The following EIF2S3B variants were observed in gnomAD, a reference collection of about 807,000 sequenced individuals.
EIF2S3B encodes the protein eukaryotic translation initiation factor 2 subunit gamma B, also known as eukaryotic translation initiation factor 2 subunit 3B.
Under a neutral mutation model 26.4 loss-of-function variants are expected in EIF2S3B, and 16 were observed. The ratio of observed to expected loss-of-function variants is 0.61; its 90% confidence interval spans 0.41 to 0.92. The LOEUF (loss-of-function observed/expected upper bound fraction) is 0.92, where lower values mean the gene tolerates loss of function less well. EIF2S3B is among the 40% of genes least tolerant of loss of function. The probability of loss-of-function intolerance (pLI) is 0.00; values close to 1 mark genes in which losing one functional copy is unlikely to be tolerated. For synonymous variants in EIF2S3B, 183 were observed against 204.4 expected, an observed-to-expected ratio of 0.90 and a Z score of 0.89; for missense variants, 510 against 575.5, an observed-to-expected ratio of 0.89 and a Z score of 1.16.
chr12:10,519,717 C>T (rs1864809694), intron 1 of EIF2S3B, among the ~76,000 whole-genome samples: 2 of 152,092 alleles, frequency 1.3e-5, no homozygotes, highest in African/African-American at 4.8e-5. Context: ...ACAGACACTT[C>T]TCAAAAGAAG....
chr12:10,512,392 G>T (rs1037602740), downstream of EIF2S3B, among the ~76,000 whole-genome samples: 3 of 152,226 alleles, frequency 2.0e-5, no homozygotes, highest in Middle Eastern at 3.4e-3. Context: ...GCTCCAAATT[G>T]ATGGTTTTTA....
At chr12:10,519,696 A>G (rs1267590286) in intron 1 of EIF2S3B, among the ~76,000 whole-genome samples, 5,730 of 152,000 alleles carry the variant, frequency 0.038, 340 homozygotes, top group African/African-American at 0.13. Flanking sequence ...AAAAGTGGGC[A>G]AAGGACATGA....
chr12:10,518,031 C>G (rs1337932811), intron 1 of EIF2S3B, among the ~76,000 whole-genome samples: 21 of 150,906 alleles, frequency 1.4e-4, no homozygotes, highest in East Asian at 3.9e-4. Context: ...TTACTTCCAA[C>G]TATGTGGTCA....
rs151041116 is a variant in EIF2S3B at position 10,518,218 on chromosome 12, G to T, written c.1309-4385G>T. ...CTAATGTTGACAGTGGGGTGTTAAG[G>T]TCTCCCATTATTGTGTGGGAGTCTA... On this transcript the variant is annotated intron_variant, in intron 1 of 1. Coordinates refer to the EIF2S3B transcript ENST00000322446. 6.4e-3 allele frequency among the ~76,000 whole-genome samples: 972 copies of T among 152,212 alleles called. 10 individuals carry two copies. Among genetic ancestry groups the T allele is most frequent in the African/African-American group, 0.022 (916 of 41,530 alleles).
At chr12:10,508,525 C>CAAAAAA, downstream of EIF2S3B, among the ~76,000 whole-genome samples, 52 of 62,988 alleles carry the variant, frequency 8.3e-4, no homozygotes, top group Middle Eastern at 0.014. Flanking sequence ...TGTTAGAAAG[C>CAAAAAA]AAAAAAAAAA....
chr12:10,516,712 G>T (rs1864761510), intron 1 of EIF2S3B, among the ~76,000 whole-genome samples: 1 of 151,806 alleles, frequency 6.6e-6, no homozygotes. Context: ...AATGCTTCCA[G>T]TTTTTGCCCA....
intron 1 of EIF2S3B, among the ~76,000 whole-genome samples, chr12:10,515,223 C>T (rs1864743184): frequency 2.0e-5 from 3 of 152,106 alleles, no homozygotes; most frequent in Admixed American, 6.6e-5. Context: ...GCTTTTATGA[C>T]CTCAAGATGT....
chr12:10,508,696 C>T (rs1864673654), downstream of EIF2S3B, among the ~76,000 whole-genome samples: 1 of 151,820 alleles, frequency 6.6e-6, no homozygotes, highest in South Asian at 2.1e-4. Context: ...AATATATTCC[C>T]TTATTAGCTT....
At chr12:10,520,981 G>C (rs1864825380) in intron 1 of EIF2S3B, among the ~76,000 whole-genome samples, 3 of 152,160 alleles carry the variant, frequency 2.0e-5, no homozygotes. Context: ...ACAGTGTACA[G>C]ACATGTTATA....
chr12:10,508,754 G>A (rs1864674265), downstream of EIF2S3B, among the ~76,000 whole-genome samples: 1 of 151,622 alleles, frequency 6.6e-6, no homozygotes, highest in African/African-American at 2.4e-5. Flanking sequence ...TTAGTGTAGG[G>A]CAAATTAAAA....
intron 1 of EIF2S3B, among the ~76,000 whole-genome samples, chr12:10,516,074 T>A (rs985221616): frequency 4.6e-5 from 7 of 151,922 alleles, no homozygotes; most frequent in African/African-American, 1.4e-4. Context: ...GTAGTGTATC[T>A]GAAATTTTTG....
downstream of EIF2S3B, among the ~76,000 whole-genome samples, chr12:10,508,525 C>CAAAAAAA: frequency 8.7e-4 from 55 of 62,992 alleles, no homozygotes; most frequent in East Asian, 2.2e-3. Flanking sequence ...TGTTAGAAAG[C>CAAAAAAA]AAAAAAAAAA....
Position 10,507,187 on chromosome 12 carries a change from T to C in EIF2S3B, c.1285T>C (p.Leu429=). 6.2e-7 allele frequency: 1 copy of C among 1,613,944 alleles called. No individual in the cohort carries two copies. The highest frequency in any genetic ancestry group is 8.5e-7 in the Non-Finnish European group (1 of 1,179,814). Residue 429 remains leucine (L), a synonymous_variant, in exon 1 of 1, where the codon TTG becomes CTG. Coordinates refer to ENST00000538173, the MANE Select transcript of EIF2S3B (RefSeq NM_001357734.3). ...CAAGGCCGATTTGGGCAAAATTGTT[T>C]TGACCAATCCAGTGTGCACAGAGGT... ...AVKADLGKIV[L]TNPVCTEVGE... is the part of the protein sequence containing the mutation.
At chr12:10,510,807 A>G (rs552788756), downstream of EIF2S3B, among the ~76,000 whole-genome samples, 76 of 152,278 alleles carry the variant, frequency 5.0e-4, no homozygotes, top group Middle Eastern at 3.4e-3. Context: ...AACAAACTGC[A>G]CCAATATGGA....
chr12:10,519,027 C>T (rs1433527317), intron 1 of EIF2S3B, among the ~76,000 whole-genome samples: 2 of 149,538 alleles, frequency 1.3e-5, no homozygotes, highest in Non-Finnish European at 3.0e-5. Context: ...TCATATGGAA[C>T]CAAAAAAGAG....
chr12:10,507,308 T>G lies in EIF2S3B; in HGVS notation c.1406T>G (p.Val469Gly), dbSNP rs772211823. The G allele has an allele frequency of 3.1e-6, 5 of 1,613,150 alleles. No homozygotes were observed. In the South Asian group the frequency reaches 5.5e-5, roughly 18 times the overall value. The change falls in exon 1 of 1, where the codon GTA (valine) becomes GGA (glycine). Residue 469 changes from valine to glycine, a missense_variant. By Grantham distance (109) the Val-to-Gly change is moderately radical. Transcript: ENST00000538173. ...AGAGGAGTGACAATCAAGCCAACAG[T>G]AGATGATGACTGAAGAATACCGGTT... ...IRRGVTIKPT[V>G]DDD
rs887973615 is a variant in EIF2S3B at position 10,506,002 on chromosome 12, G to A, written c.100G>A (p.Glu34Lys). The A allele has an allele frequency of 6.8e-6, 11 of 1,605,948 alleles. No homozygotes were observed. Among genetic ancestry groups the A allele is most frequent in the East Asian group, 2.2e-5 (1 of 44,838 alleles). Residue 34 changes from glutamate to lysine, a missense_variant, in exon 1 of 1, where the codon GAA (glutamate) becomes AAA (lysine). Physicochemically the swap from Glu to Lys is moderately conservative, Grantham distance 56. Transcript: ENST00000538173. ...DVTKLTPLSHEVISRQATINI... is the reference protein window; with the variant it reads ...DVTKLTPLSHKVISRQATINI... ...TACCAAGTTGACGCCACTTTCACAC[G>A]AAGTTATCAGCAGACAAGCCACAAT...
chr12:10,521,631 G>T (rs1395225112), intron 1 of EIF2S3B, among the ~76,000 whole-genome samples: 1 of 151,952 alleles, frequency 6.6e-6, no homozygotes, highest in Non-Finnish European at 1.5e-5. Context: ...ATAAGAAAAA[G>T]AATCTGAATC....
chr12:10,522,013 T>C (rs1026951947), intron 1 of EIF2S3B, among the ~76,000 whole-genome samples: 2 of 152,236 alleles, frequency 1.3e-5, no homozygotes, highest in African/African-American at 4.8e-5. Context: ...AGAATAACTT[T>C]TGAGTCTACA....
Sources: allele counts gnomAD v4.1 joint callset (sites outside exome capture counted in the v4.1 genomes callset), GRCh38; gene constraint gnomAD v4.1.1; transcripts MANE v1.5; gene names NCBI Gene and HGNC (gene_info 2026-07-23, HGNC 2026-07-21).